The following TNNI3K variants were observed in gnomAD, a reference collection of about 807,000 sequenced individuals.
TNNI3K encodes TNNI3 interacting kinase, also known as serine/threonine-protein kinase TNNI3K.
TNNI3K carries 140 observed loss-of-function variants against 114.5 expected under a neutral mutation model. That is an observed-to-expected ratio of 1.22 (90% CI 1.07 to 1.41). TNNI3K has a LOEUF of 1.41. Among genes scored for constraint, TNNI3K ranks in the 40% most tolerant of loss-of-function variants. TNNI3K has a pLI of 0.00. For missense variants in TNNI3K, 1,125 were observed against 1,007.6 expected (o/e 1.12, Z -1.58); for synonymous variants, 347 against 347.5 (o/e 1.00, Z 0.02).
At chr1:74,279,119 G>A (rs928997432) in intron 5 of TNNI3K, among the ~76,000 whole-genome samples, 1 of 152,078 alleles carries the variant, frequency 6.6e-6, no homozygotes, top group African/African-American at 2.4e-5. Flanking sequence ...ACAAAAATGT[G>A]CCTAAATTAT....
At position 74,380,714 on chromosome 1, in the gene TNNI3K, T is replaced by A. The variant is rs568873555; in HGVS notation, c.1772+10322T>A. ...GTTTGGCTTCGTTTCTTCTCTGCTC[T>A]CATTTCTTGGGAGGCACTGTGAATG... is the stretch of plus-strand genomic sequence containing the variant. On this transcript the variant is annotated intron_variant, in intron 17 of 24. Transcript: ENST00000326637. Among the ~76,000 whole-genome samples, 5 of 152,290 alleles carry A rather than the reference T, an allele frequency of 3.3e-5. No homozygotes were observed. In the South Asian group the frequency reaches 1.0e-3, roughly 32 times the overall value.
intron 9 of TNNI3K, among the ~76,000 whole-genome samples, chr1:74,347,945 G>T (rs548819177): frequency 6.2e-4 from 95 of 152,254 alleles, no homozygotes; most frequent in African/African-American, 2.2e-3. Context: ...CATTCTATAG[G>T]TTGCCTGTTC....
chr1:74,394,815 C>T (rs1428944380), intron 17 of TNNI3K, among the ~76,000 whole-genome samples: 2 of 152,058 alleles, frequency 1.3e-5, no homozygotes, highest in Admixed American at 6.6e-5. Context: ...GAGGCTGAGG[C>T]GGGTGGATCA....
intron 5 of TNNI3K, among the ~76,000 whole-genome samples, chr1:74,297,549 G>GTA (rs1557482092): frequency 2.6e-5 from 4 of 151,524 alleles, no homozygotes; most frequent in African/African-American, 9.7e-5. Context: ...GTGTGTGTGT[G>GTA]TGTGTATAAA....
chr1:74,323,684 A>G (rs545437015), intron 5 of TNNI3K, among the ~76,000 whole-genome samples: 5 of 152,204 alleles, frequency 3.3e-5, no homozygotes, highest in African/African-American at 1.2e-4. Context: ...TAGCAGGAGT[A>G]GAAGTAGTAG....
intron 23 of TNNI3K, among the ~76,000 whole-genome samples, chr1:74,492,481 A>G (rs1241715677): frequency 6.6e-6 from 1 of 152,176 alleles, no homozygotes; most frequent in Admixed American, 6.5e-5. Context: ...ACAGGCATTA[A>G]CCTAGCTTAA....
At chr1:74,510,958 G>A (rs1670179968) in intron 23 of TNNI3K, among the ~76,000 whole-genome samples, 1 of 152,164 alleles carries the variant, frequency 6.6e-6, no homozygotes, top group Non-Finnish European at 1.5e-5. Flanking sequence ...TGCGATCTTG[G>A]CTCACTGCAA....
chr1:74,324,805 G>C (rs1484622527), intron 5 of TNNI3K, among the ~76,000 whole-genome samples: 1 of 152,194 alleles, frequency 6.6e-6, no homozygotes, highest in Non-Finnish European at 1.5e-5. Context: ...AATGGCTTTA[G>C]AGTAAGCAGG....
At chr1:74,500,473 G>T (rs1178097207) in intron 23 of TNNI3K, among the ~76,000 whole-genome samples, 1 of 150,458 alleles carries the variant, frequency 6.6e-6, no homozygotes, top group East Asian at 1.9e-4. Flanking sequence ...GCGTAGTGGC[G>T]GGCGCCTGTA....
chr1:74,517,987 G>A (rs2100402213), intron 23 of TNNI3K, among the ~76,000 whole-genome samples: 1 of 152,266 alleles, frequency 6.6e-6, no homozygotes, highest in African/African-American at 2.4e-5. Flanking sequence ...TTTGACTGTG[G>A]TCAGCATACG....
chr1:74,457,545 A>G (rs991997278), intron 20 of TNNI3K, among the ~76,000 whole-genome samples: 4 of 152,202 alleles, frequency 2.6e-5, no homozygotes, highest in Admixed American at 6.5e-5. Flanking sequence ...AGCCCTGCCC[A>G]TTAAAAACAA....
chr1:74,260,601 G>T (rs1215097624), intron 4 of TNNI3K, among the ~76,000 whole-genome samples: 1 of 152,056 alleles, frequency 6.6e-6, no homozygotes, highest in Admixed American at 6.5e-5. Context: ...CTAGCATATA[G>T]TTAATACTTA....
chr1:74,410,984 A>AT lies in TNNI3K; in HGVS notation c.1773-25088dup, dbSNP rs542456814. 2.6e-4 allele frequency among the ~76,000 whole-genome samples: 40 copies of AT among 152,092 alleles called. No individual in the cohort carries two copies. The East Asian group carries it at 3.3e-3, about 12-fold the overall frequency. On this transcript the variant is annotated intron_variant, in intron 17 of 24. Transcript: ENST00000326637. ...CAAAGGGTGGATTATTGTGGAAATAATTTTTTTTGTCTTTGTGTAGTCATA... is the reference window on the plus strand; with the variant it reads ...CAAAGGGTGGATTATTGTGGAAATAATTTTTTTTTGTCTTTGTGTAGTCATA...
intron 23 of TNNI3K, among the ~76,000 whole-genome samples, chr1:74,526,679 T>C (rs1278493390): frequency 2.6e-5 from 4 of 152,220 alleles, no homozygotes; most frequent in Non-Finnish European, 5.9e-5. Context: ...TGCATTTTAG[T>C]CTTTAACATT....
intron 17 of TNNI3K, among the ~76,000 whole-genome samples, chr1:74,418,899 G>T (rs1179526638): frequency 6.6e-6 from 1 of 152,090 alleles, no homozygotes; most frequent in Non-Finnish European, 1.5e-5. Flanking sequence ...TAGCAGGTGG[G>T]TAGTAATCAC....
At chr1:74,344,321 A>C (rs1660891438) in intron 9 of TNNI3K, among the ~76,000 whole-genome samples, 2 of 152,224 alleles carry the variant, frequency 1.3e-5, no homozygotes, top group Admixed American at 6.5e-5. Flanking sequence ...TGGATTTATT[A>C]TCTCTCTTTT....
chr1:74,538,671 T>G (rs1042042535), intron 23 of TNNI3K, among the ~76,000 whole-genome samples: 1 of 152,186 alleles, frequency 6.6e-6, no homozygotes, highest in African/African-American at 2.4e-5. Flanking sequence ...TCCTCTGCCA[T>G]TCAGGCCTGA....
At chr1:74,343,958 G>A (rs1019080124) in intron 9 of TNNI3K, among the ~76,000 whole-genome samples, 5 of 152,132 alleles carry the variant, frequency 3.3e-5, no homozygotes, top group African/African-American at 1.2e-4. Flanking sequence ...TTTATATTTA[G>A]TAGATCTTGA....
intron 23 of TNNI3K, among the ~76,000 whole-genome samples, chr1:74,503,613 G>A (rs1669745465): frequency 6.6e-6 from 1 of 152,104 alleles, no homozygotes; most frequent in African/African-American, 2.4e-5. Context: ...TCATCTCTGA[G>A]ACGTAAAATT....
Sources: gnomAD v4.1 joint callset for allele counts (sites outside exome capture counted in the v4.1 genomes callset) on GRCh38, gnomAD v4.1.1 for gene constraint, MANE v1.5 for transcripts, NCBI Gene and HGNC (gene_info 2026-07-23, HGNC 2026-07-21) for gene names.